GPR139: variants seen among roughly 807,000 people sequenced by gnomAD.
GPR139 encodes the protein G protein-coupled receptor 139.
A neutral mutation model predicts 25.8 loss-of-function variants in GPR139; 12 were observed. That is an observed-to-expected ratio of 0.47 (90% CI 0.30 to 0.75). The LOEUF is 0.75. Ranked by LOEUF, GPR139 falls within the 30% of genes least tolerant of loss-of-function variation. GPR139 has a pLI of 0.07. For missense variants in GPR139, 380 were observed against 450.2 expected (o/e 0.84, Z 1.41); for synonymous variants, 184 against 179.9 (o/e 1.02, Z -0.18).
In GPR139 at chr16:20,032,385, T is replaced by C. The variant is rs749366228; in HGVS notation, c.412A>G (p.Thr138Ala). ...CGGGTGCGGGCTGGGTATGAGACCG[T>C]GTGGTACTTGAGCGGGTGGCAGACA... Reference protein sequence around the residue: ...IAVCHPLKYHTVSYPARTRKV... With the variant: ...IAVCHPLKYHAVSYPARTRKV... The change falls in exon 2 of 2, where the codon ACG (threonine) becomes GCG (alanine). Residue 138 changes from threonine to alanine, a missense_variant. Thr to Ala is a moderately conservative substitution (Grantham distance 58). Coordinates refer to ENST00000570682, the MANE Select transcript of GPR139 (RefSeq NM_001002911.4). 2 of 1,614,168 alleles carry C rather than the reference T, an allele frequency of 1.2e-6. No homozygotes were observed. Among genetic ancestry groups the C allele is most frequent in the Non-Finnish European group, 1.7e-6 (2 of 1,180,028 alleles).
Position 20,032,345 on chromosome 16 carries a change from C to A in GPR139, c.452G>T (p.Ser151Ile), listed in dbSNP as rs753106637. Residue 151 changes from serine (S) to isoleucine (I), a missense_variant, in exon 2 of 2, where the codon AGT becomes ATT. Transcript: ENST00000570682. Reference sequence around the variant, plus strand: ...GGTCAGGAAGCAGGTGATGTAAACACTTACAATGACTTTCCGGGTGCGGGC... The same window carrying A: ...GGTCAGGAAGCAGGTGATGTAAACAATTACAATGACTTTCCGGGTGCGGGC... ...YPARTRKVIV[S>I]VYITCFLTSI... is the part of the protein sequence containing the mutation. The A allele has an allele frequency of 1.2e-6, 2 of 1,614,094 alleles. No individual in the cohort carries two copies. The highest frequency in any genetic ancestry group is 1.7e-6 in the Non-Finnish European group (2 of 1,180,050).
intron 1 of GPR139, among the ~76,000 whole-genome samples, chr16:20,072,733 A>C (rs1328286911): frequency 2.6e-5 from 4 of 152,182 alleles, no homozygotes; most frequent in Admixed American, 2.6e-4. Flanking sequence ...GGGACCAGCC[A>C]GACATCCACA....
chr16:20,047,361 C>T (rs2057357878), intron 1 of GPR139, among the ~76,000 whole-genome samples: 1 of 152,136 alleles, frequency 6.6e-6, no homozygotes, highest in Non-Finnish European at 1.5e-5. Flanking sequence ...CTGACCTGGC[C>T]TCCCAAAGTG....
At position 20,073,814 on chromosome 16, in the gene GPR139, C is replaced by T; in HGVS notation, c.-198G>A. 3.0e-6 allele frequency: 2 copies of T among 662,500 alleles called. No individual in the cohort carries two copies. Among genetic ancestry groups the T allele is most frequent in the Non-Finnish European group, 4.6e-6 (2 of 434,542 alleles). The allele number at this position is 662,500 out of a possible 1,614,324, so 41.0% of individuals were successfully genotyped here. On this transcript the variant is annotated 5_prime_UTR_variant, in exon 1 of 2. Coordinates refer to ENST00000570682, the MANE Select transcript of GPR139 (RefSeq NM_001002911.4). This position sits in a 1 kb window ranked among gnomAD's most constrained non-coding sequence, Gnocchi z 4.7. ...TGCCCGCCTGGAGTCTTGGCTCAGC[C>T]CTCCCGCAGGGCGCGGGGCGCAGGG...
intron 1 of GPR139, among the ~76,000 whole-genome samples, chr16:20,035,523 A>C (rs966050184): frequency 1.3e-5 from 2 of 152,254 alleles, no homozygotes; most frequent in Non-Finnish European, 2.9e-5. Context: ...GATGGTGAAC[A>C]AAATAGACAT....
chr16:20,069,439 T>A (rs2057451086), intron 1 of GPR139, among the ~76,000 whole-genome samples: 1 of 152,176 alleles, frequency 6.6e-6, no homozygotes, highest in Admixed American at 6.5e-5. Flanking sequence ...CAGGCCTCAG[T>A]CCAGCTGACA....
At chr16:20,037,855 C>T (rs1468422019) in intron 1 of GPR139, among the ~76,000 whole-genome samples, 1 of 152,118 alleles carries the variant, frequency 6.6e-6, no homozygotes, top group Non-Finnish European at 1.5e-5. Context: ...TATTTTCTTG[C>T]AACCTCTTTT....
chr16:20,043,809 G>A (rs949936434), intron 1 of GPR139, among the ~76,000 whole-genome samples: 1 of 152,136 alleles, frequency 6.6e-6, no homozygotes, highest in African/African-American at 2.4e-5. Flanking sequence ...ATGGGGTCAG[G>A]GCTTTACAAG....
In GPR139 at chr16:20,032,012, A is replaced by C; in HGVS notation, c.785T>G (p.Leu262Arg). 1 of 1,614,224 alleles carries C rather than the reference A, an allele frequency of 6.2e-7. No homozygotes were observed. The highest frequency in any genetic ancestry group is 8.5e-7 in the Non-Finnish European group (1 of 1,180,040). ...LYGAPIQNRW[L>R]VHIMSDIANM... is the part of the protein sequence containing the mutation. ...GGCAATGTCGGACATGATGTGTACC[A>C]GCCAGCGGTTCTGGATGGGCGCCCC... The change falls in exon 2 of 2, where the codon CTG becomes CGG. Residue 262 changes from leucine to arginine, a missense_variant. Leu to Arg is a moderately radical substitution (Grantham distance 102). Coordinates refer to ENST00000570682, the MANE Select transcript of GPR139 (RefSeq NM_001002911.4).
rs1555465698 is a variant in GPR139 at position 20,038,329 on chromosome 16, A to ATGTGTG, written c.128-5666_128-5661dup. Reference sequence around the variant, plus strand: ...GTTTAAGTTCCTGGATAATATATATATGTGTGTGTGTGTGTGTGTGTGTGT... The same window carrying ATGTGTG: ...GTTTAAGTTCCTGGATAATATATATATGTGTGTGTGTGTGTGTGTGTGTGTGTGTGT... On this transcript the variant is annotated intron_variant, in intron 1 of 1. Coordinates refer to ENST00000570682, the MANE Select transcript of GPR139 (RefSeq NM_001002911.4). Among the ~76,000 whole-genome samples, 834 of 95,922 alleles carry ATGTGTG rather than the reference A, an allele frequency of 8.7e-3. 8 individuals carry two copies. Among genetic ancestry groups the ATGTGTG allele is most frequent in the African/African-American group, 0.024 (745 of 30,672 alleles). The allele number at this position is 95,922 out of a possible 152,430, so 62.9% of individuals were successfully genotyped here.
rs1248604661 is a variant in GPR139, at chr16:20,028,677, G to A, written c.*3058C>T. 6.6e-6 allele frequency among the ~76,000 whole-genome samples: 1 copy of A among 152,104 alleles called. No homozygotes were observed. Among genetic ancestry groups the A allele is most frequent in the Non-Finnish European group, 1.5e-5 (1 of 68,020 alleles). On this transcript the variant is annotated 3_prime_UTR_variant, in exon 2 of 2. Coordinates refer to ENST00000570682, the MANE Select transcript of GPR139 (RefSeq NM_001002911.4). ...CACTCCGGTCTGTCTTTTATGGTTT[G>A]TCTGTCATTCCCCTCATTTCCTTCC...
At chr16:20,036,627 T>C (rs1294030639) in intron 1 of GPR139, among the ~76,000 whole-genome samples, 2 of 152,186 alleles carry the variant, frequency 1.3e-5, no homozygotes, top group Admixed American at 6.5e-5. Flanking sequence ...TTATTCACTA[T>C]CATGAGAACA....
intron 1 of GPR139, among the ~76,000 whole-genome samples, chr16:20,049,145 C>G (rs542550062): frequency 6.6e-6 from 1 of 152,290 alleles, no homozygotes; most frequent in South Asian, 2.1e-4. Flanking sequence ...TACTCTAAAC[C>G]TTGAGGACTT....
intron 1 of GPR139, among the ~76,000 whole-genome samples, chr16:20,070,514 C>A (rs1269588573): frequency 6.6e-6 from 1 of 152,176 alleles, no homozygotes; most frequent in Non-Finnish European, 1.5e-5. Context: ...GATCCTACAC[C>A]AACCAGTTAA....
chr16:20,031,644 A>T lies in GPR139; in HGVS notation c.*91T>A. The T allele has an allele frequency of 2.1e-6, 2 of 948,230 alleles. No individual in the cohort carries two copies. Among genetic ancestry groups the T allele is most frequent in the Non-Finnish European group, 3.3e-6 (2 of 603,250 alleles). The allele number at this position is 948,230 out of a possible 1,614,324, so 58.7% of individuals were successfully genotyped here. The stretch of plus-strand genomic sequence containing the variant: ...GCGGGAGACAGGAAATCGGATTAGC[A>T]CTCTTAAGGAGAGCTGCTCAGCCAT... On this transcript the variant is annotated 3_prime_UTR_variant, in exon 2 of 2. Coordinates refer to ENST00000570682, the MANE Select transcript of GPR139 (RefSeq NM_001002911.4).
At chr16:20,043,859 T>C (rs1480579458) in intron 1 of GPR139, among the ~76,000 whole-genome samples, 2 of 152,104 alleles carry the variant, frequency 1.3e-5, no homozygotes, top group Non-Finnish European at 2.9e-5. Context: ...CAGCAAACAA[T>C]GAGCAGAGGA....
intron 1 of GPR139, among the ~76,000 whole-genome samples, chr16:20,066,474 T>C (rs1423905954): frequency 6.6e-6 from 1 of 152,226 alleles, no homozygotes; most frequent in Non-Finnish European, 1.5e-5. Flanking sequence ...GCTTAATCTA[T>C]TGGATCATTC....
chr16:20,067,233 C>T (rs1246874269), intron 1 of GPR139, among the ~76,000 whole-genome samples: 2 of 152,196 alleles, frequency 1.3e-5, no homozygotes, highest in African/African-American at 4.8e-5. Context: ...AGGCAGCCTC[C>T]AGCATAGCTA....
intron 1 of GPR139, among the ~76,000 whole-genome samples, chr16:20,041,149 ACGAGAGG>A (rs1260592557): frequency 0.31 from 135 of 442 alleles, 48 homozygotes; most frequent in Non-Finnish European, 0.46. Context: ...AGGAGAGGAG[ACGAGAGG>A]GGAGGGGAGG....
Sources: gnomAD v4.1 joint callset for allele counts (sites outside exome capture counted in the v4.1 genomes callset) on GRCh38, gnomAD v4.1.1 for gene constraint, Gnocchi (gnomAD v3.1) non-coding constraint, MANE v1.5 for transcripts, NCBI Gene and HGNC (gene_info 2026-07-23, HGNC 2026-07-21) for gene names.